Variants in DPP10 observed in about 807,000 individuals in gnomAD.
DPP10 encodes inactive dipeptidyl peptidase 10.
In DPP10, 33 loss-of-function variants were observed where a neutral mutation model predicts 120.9. The ratio of observed to expected loss-of-function variants is 0.27; its 90% CI spans 0.21 to 0.37. DPP10 has a LOEUF of 0.37. DPP10 is among the 10% of genes least tolerant of loss of function. DPP10 has a pLI of 1.00. For missense variants in DPP10, 816 were observed against 942.8 expected (o/e 0.87, Z 1.76); for synonymous variants, 337 against 326.1 (o/e 1.03, Z -0.36).
At chr2:114,480,007 C>G (rs1680876672) in intron 1 of DPP10, among the ~76,000 whole-genome samples, 1 of 150,496 alleles carries the variant, frequency 6.6e-6, no homozygotes, top group Admixed American at 6.6e-5. Context: ...TGAACTCAAA[C>G]AAATTTACAA....
At chr2:115,522,851 G>C (rs2077899041) in intron 4 of DPP10, among the ~76,000 whole-genome samples, 1 of 152,112 alleles carries the variant, frequency 6.6e-6, no homozygotes, top group South Asian at 2.1e-4. Context: ...ACCACAATTT[G>C]AAGTCATATT....
At chr2:114,618,915 C>T (rs536484255) in intron 1 of DPP10, among the ~76,000 whole-genome samples, 3 of 152,000 alleles carry the variant, frequency 2.0e-5, no homozygotes, top group East Asian at 1.9e-4. Flanking sequence ...GGATGAAAGT[C>T]GTAATTTCTA....
At chr2:115,380,200 G>A (rs1275740401) in intron 3 of DPP10, among the ~76,000 whole-genome samples, 2 of 152,092 alleles carry the variant, frequency 1.3e-5, no homozygotes, top group South Asian at 2.1e-4. Context: ...TCTCTTTGTA[G>A]GTCACTCAGG....
intron 1 of DPP10, among the ~76,000 whole-genome samples, chr2:115,105,650 C>T (rs2048913723): frequency 6.6e-6 from 1 of 152,096 alleles, no homozygotes; most frequent in African/African-American, 2.4e-5. Context: ...GGGACAAATA[C>T]CAAACTATAT....
chr2:114,655,509 T>G (rs891153440), intron 1 of DPP10, among the ~76,000 whole-genome samples: 3 of 152,212 alleles, frequency 2.0e-5, no homozygotes, highest in African/African-American at 7.2e-5. Context: ...AATCCTTCCT[T>G]GACTAGTGCT....
At position 115,442,386 on chromosome 2, in the gene DPP10, T is replaced by C. The variant is rs201921079; in HGVS notation, c.272-57124T>C. Among the ~76,000 whole-genome samples, 262 of 116,924 alleles carry C rather than the reference T, an allele frequency of 2.2e-3. 1 individual carries two copies. Among genetic ancestry groups the C allele is most frequent in the African/African-American group, 3.7e-3 (64 of 17,414 alleles). The allele number at this position is 116,924 out of a possible 152,430, so 76.7% of individuals were successfully genotyped here. On this transcript the variant is annotated intron_variant, in intron 3 of 25. Transcript: ENST00000410059. ...GTTTGTGTGTGTGTGTGTGTGTGTGTGCGTGTGTCGTTTCATTAGAAATCT... is the reference window on the plus strand; with the variant it reads ...GTTTGTGTGTGTGTGTGTGTGTGTGCGCGTGTGTCGTTTCATTAGAAATCT...
At chr2:114,726,201 A>T (rs1280533207) in intron 1 of DPP10, among the ~76,000 whole-genome samples, 3 of 150,556 alleles carry the variant, frequency 2.0e-5, no homozygotes, top group African/African-American at 4.9e-5. Context: ...GCACCACTGC[A>T]CTCCAGCCTG....
intron 19 of DPP10, among the ~76,000 whole-genome samples, chr2:115,813,083 G>T (rs1158088614): frequency 7.2e-6 from 1 of 138,326 alleles, no homozygotes; most frequent in Non-Finnish European, 1.5e-5. Flanking sequence ...CCGGGTTCAC[G>T]CCATTCTCCT....
chr2:114,523,314 G>A (rs1438631567), intron 1 of DPP10, among the ~76,000 whole-genome samples: 1 of 152,142 alleles, frequency 6.6e-6, no homozygotes, highest in African/African-American at 2.4e-5. Flanking sequence ...GGATAAATAG[G>A]GGTGTAACTT....
At position 114,921,794 on chromosome 2, in the gene DPP10, C is replaced by T. The variant is rs532971352; in HGVS notation, c.61-387445C>T. On this transcript the variant is annotated intron_variant, in intron 1 of 25. Transcript: ENST00000410059. ...ATTATGGCTGTATCCAAGATACCTA[C>T]CACAAAGCCTCACATTACTAGACAT... is the stretch of plus-strand genomic sequence containing the variant. 1.2e-3 allele frequency among the ~76,000 whole-genome samples: 182 copies of T among 152,288 alleles called. 1 individual carries two copies. Among genetic ancestry groups the T allele is most frequent in the Middle Eastern group, 6.8e-3 (2 of 294 alleles).
chr2:114,842,461 A>G (rs989719519), intron 1 of DPP10, among the ~76,000 whole-genome samples: 1 of 152,080 alleles, frequency 6.6e-6, no homozygotes, highest in African/African-American at 2.4e-5. Flanking sequence ...GGACGAGAAG[A>G]AAGAGACCCA....
chr2:115,774,126 C>CTG (rs1000221385), intron 13 of DPP10, among the ~76,000 whole-genome samples: 3 of 151,600 alleles, frequency 2.0e-5, no homozygotes, highest in Non-Finnish European at 4.4e-5. Context: ...ATTTTTTATA[C>CTG]TGTGTTCAAA....
intron 1 of DPP10, among the ~76,000 whole-genome samples, chr2:114,741,553 T>C (rs1270548271): frequency 6.6e-6 from 1 of 152,186 alleles, no homozygotes; most frequent in African/African-American, 2.4e-5. Flanking sequence ...ATATGTTCAA[T>C]TGTGTTCCCC....
intron 1 of DPP10, among the ~76,000 whole-genome samples, chr2:114,855,121 A>T (rs754433365): frequency 8.7e-4 from 132 of 152,254 alleles, no homozygotes; most frequent in Admixed American, 2.3e-3. Context: ...TGGTGGGGAG[A>T]AAAAGGGAAG....
At chr2:115,410,239 A>T (rs914926196) in intron 3 of DPP10, among the ~76,000 whole-genome samples, 3 of 152,234 alleles carry the variant, frequency 2.0e-5, no homozygotes, top group African/African-American at 7.2e-5. Context: ...TCAAATGCCC[A>T]TCAATGATAG....
intron 2 of DPP10, among the ~76,000 whole-genome samples, chr2:115,342,479 G>T (rs921724742): frequency 6.6e-6 from 1 of 152,080 alleles, no homozygotes; most frequent in Non-Finnish European, 1.5e-5. Flanking sequence ...CTCGCAAAGT[G>T]CTGGGATTAC....
chr2:115,281,355 A>T (rs2060150032), intron 1 of DPP10, among the ~76,000 whole-genome samples: 1 of 152,184 alleles, frequency 6.6e-6, no homozygotes, highest in South Asian at 2.1e-4. Context: ...AGTAAGGCAG[A>T]ATTCCCGTAG....
intron 1 of DPP10, among the ~76,000 whole-genome samples, chr2:114,785,415 G>A (rs1433936563): frequency 6.6e-6 from 1 of 152,050 alleles, no homozygotes; most frequent in East Asian, 1.9e-4. Flanking sequence ...CTGCTGGGAG[G>A]CTGACACCTA....
At chr2:115,831,739 G>A (rs1688949193) in intron 21 of DPP10, among the ~76,000 whole-genome samples, 1 of 152,114 alleles carries the variant, frequency 6.6e-6, no homozygotes, top group Admixed American at 6.5e-5. Context: ...TTTCTTTTAA[G>A]AAGGAAAATT....
Sources: gnomAD v4.1 joint callset for allele counts (sites outside exome capture counted in the v4.1 genomes callset) on GRCh38, gnomAD v4.1.1 for gene constraint, MANE v1.5 for transcripts, NCBI Gene and HGNC (gene_info 2026-07-23, HGNC 2026-07-21) for gene names.